Variants in NUP153 observed in about 807,000 individuals in gnomAD.
NUP153 encodes the protein nucleoporin 153.
In NUP153, 27 loss-of-function variants were observed where a neutral mutation model predicts 134.6. The ratio of observed to expected loss-of-function variants is 0.20; its 90% CI spans 0.15 to 0.28. NUP153 has a LOEUF of 0.28. Among genes scored for constraint, NUP153 ranks in the 10% least tolerant of loss-of-function variants. The pLI, the probability that NUP153 is intolerant of heterozygous loss-of-function variation, is 1.00. For missense variants in NUP153, 1,821 were observed against 1,731.3 expected, an observed-to-expected ratio of 1.05 and a Z score of -0.92; for synonymous variants, 640 against 623.5, an observed-to-expected ratio of 1.03 and a Z score of -0.40.
intron 20 of NUP153, among the ~76,000 whole-genome samples, chr6:17,618,660 A>G (rs981870797): frequency 1.0e-4 from 15 of 149,916 alleles, no homozygotes; most frequent in Non-Finnish European, 1.3e-4. Flanking sequence ...CCACCTCCCG[A>G]GTTCACGCCA....
chr6:17,693,927 G>C (rs1247794569), intron 1 of NUP153, among the ~76,000 whole-genome samples: 1 of 152,144 alleles, frequency 6.6e-6, no homozygotes, highest in Non-Finnish European at 1.5e-5. Flanking sequence ...GTAGAAATTT[G>C]CATGGCCTCT....
chr6:17,696,740 G>A (rs1016275381), intron 1 of NUP153, among the ~76,000 whole-genome samples: 3 of 151,972 alleles, frequency 2.0e-5, no homozygotes, highest in Admixed American at 6.6e-5. Flanking sequence ...GGGCCACAGA[G>A]CAAGACTCCA....
chr6:17,649,114 GAATT>G (rs1346458223), intron 12 of NUP153, 45 bp downstream of exon 12: 1 of 1,493,178 alleles, frequency 6.7e-7, no homozygotes, highest in African/African-American at 1.4e-5. Context: ...TTTAAATAAA[GAATT>G]AAGAAAGAAC....
chr6:17,645,625 GT>G (rs753892911), intron 14 of NUP153, among the ~76,000 whole-genome samples: 3 of 150,570 alleles, frequency 2.0e-5, no homozygotes, highest in Non-Finnish European at 4.5e-5. Context: ...GATTTCTTCG[GT>G]TCAGAAATTA....
chr6:17,631,280 A>G (rs1765239874), intron 17 of NUP153, among the ~76,000 whole-genome samples: 1 of 152,228 alleles, frequency 6.6e-6, no homozygotes, highest in Admixed American at 6.5e-5. Flanking sequence ...ACAATATAAA[A>G]GGTTTATTCC....
At position 17,649,789 on chromosome 6, in the gene NUP153, C is replaced by T. The variant is rs189452306; in HGVS notation, c.1396-489G>A. 5.3e-5 allele frequency among the ~76,000 whole-genome samples: 8 copies of T among 152,218 alleles called. No individual in the cohort carries two copies. The East Asian group carries it at 1.5e-3, about 29-fold the overall frequency. On this transcript the variant is annotated intron_variant, in intron 11 of 21. Transcript: ENST00000262077. ...TGTTGTTAATCTCTGACTGTGCCTA[C>T]TTATAAATTAAATTTCATCATAGAT...
At position 17,632,838 on chromosome 6, in the gene NUP153, G is replaced by A. The variant is rs748746381; in HGVS notation, c.2471C>T (p.Ser824Leu). 6.2e-5 allele frequency: 75 copies of A among 1,209,356 alleles called. No individual in the cohort carries two copies. Among genetic ancestry groups the A allele is most frequent in the East Asian group, 3.0e-4 (12 of 39,346 alleles). 74.9% of individuals were successfully genotyped at this position (1,209,356 alleles called of 1,614,324 possible). ...AGTGCTGCTACTTGAAGCAGGTACT[G>A]AACTTCCTAAAAAAAAAAAAAAAAA... is the stretch of plus-strand genomic sequence containing the variant. ...VSCMSEKPGSSVPASSSSTVP... is the reference protein window; with the variant it reads ...VSCMSEKPGSLVPASSSSTVP... Residue 824 changes from serine to leucine, a missense_variant, in exon 17 of 22, where the codon TCA (serine) becomes TTA (leucine). By Grantham distance (145) the Ser-to-Leu change is moderately radical. Transcript: ENST00000262077.
chr6:17,655,501 A>C (rs1275008252), intron 11 of NUP153, among the ~76,000 whole-genome samples: 1 of 151,550 alleles, frequency 6.6e-6, no homozygotes, highest in East Asian at 2.0e-4. Flanking sequence ...TCACCCAGGC[A>C]GGAGTGCAGT....
At position 17,638,571 on chromosome 6, in the gene NUP153, T is replaced by C. The variant is rs1014653658; in HGVS notation, c.1847-801A>G. 6.6e-6 allele frequency among the ~76,000 whole-genome samples: 1 copy of C among 152,234 alleles called. No homozygotes were observed. Among genetic ancestry groups the C allele is most frequent in the Non-Finnish European group, 1.5e-5 (1 of 68,050 alleles). On this transcript the variant is annotated intron_variant, in intron 15 of 21. Coordinates refer to ENST00000262077, the MANE Select transcript of NUP153 (RefSeq NM_005124.4). This position sits in a 1 kb window ranked among gnomAD's most constrained non-coding sequence, Gnocchi z 4.0. ...GGGCAACGTGTTATTTTGCTTATGA[T>C]TAATTTAAATCACTAAGATTGGCAA...
In NUP153 at chr6:17,638,342, T is replaced by C. The variant is rs1765667139; in HGVS notation, c.1847-572A>G. Among the ~76,000 whole-genome samples the C allele has an allele frequency of 6.6e-6, 1 of 152,254 alleles. No homozygotes were observed. Among genetic ancestry groups the C allele is most frequent in the African/African-American group, 2.4e-5 (1 of 41,470 alleles). On this transcript the variant is annotated intron_variant, in intron 15 of 21. Coordinates refer to ENST00000262077, the MANE Select transcript of NUP153 (RefSeq NM_005124.4). This position sits in a 1 kb window ranked among gnomAD's most constrained non-coding sequence, Gnocchi z 4.0. ...CATGAGAATGACTTTTGTAATTGTT[T>C]ACTTAGGACCAGTTAACTTTTGTCT...
chr6:17,678,475 C>T (rs903608594), intron 2 of NUP153, among the ~76,000 whole-genome samples: 1 of 151,150 alleles, frequency 6.6e-6, no homozygotes, highest in African/African-American at 2.4e-5. Flanking sequence ...TAGCAAATGT[C>T]TATTTACTAA....
chr6:17,691,658 G>A (rs1468282192), intron 1 of NUP153, among the ~76,000 whole-genome samples: 2 of 151,954 alleles, frequency 1.3e-5, no homozygotes, highest in African/African-American at 4.8e-5. Context: ...CCAGTTACTA[G>A]AGAGGCTGAG....
intron 13 of NUP153, 31 bp from the exon 14 acceptor site, chr6:17,646,185 G>A (rs779774082): frequency 1.2e-5 from 14 of 1,179,154 alleles, no homozygotes; most frequent in Middle Eastern, 2.1e-4. Context: ...CTTATACTTC[G>A]TTTTCAATAA....
At chr6:17,630,634 G>T (rs1765194126) in intron 17 of NUP153, among the ~76,000 whole-genome samples, 1 of 151,576 alleles carries the variant, frequency 6.6e-6, no homozygotes, top group Non-Finnish European at 1.5e-5. Context: ...CAGCACTCCA[G>T]CCCGGTCAAC....
chr6:17,676,848 C>T (rs913507199), intron 2 of NUP153, among the ~76,000 whole-genome samples: 4 of 152,120 alleles, frequency 2.6e-5, no homozygotes, highest in African/African-American at 9.7e-5. Context: ...GAGGGTCTCC[C>T]AGAAATCCAC....
At chr6:17,701,843 G>GGC (rs1554148665) in intron 1 of NUP153, among the ~76,000 whole-genome samples, 1 of 87,406 alleles carries the variant, frequency 1.1e-5, no homozygotes, top group African/African-American at 4.0e-5. Context: ...GGGGGGGGGG[G>GGC]GAAAAAAGCT....
In NUP153 at chr6:17,680,289, C is replaced by A. The variant is rs1481632038; in HGVS notation, c.335-4519G>T. ...ACAGACCATGGACGTGAACACAGGGCCCAGAAATAAACTACCATATATGAT... is the reference window on the plus strand; with the variant it reads ...ACAGACCATGGACGTGAACACAGGGACCAGAAATAAACTACCATATATGAT... On this transcript the variant is annotated intron_variant, in intron 2 of 21. Coordinates refer to ENST00000262077, the MANE Select transcript of NUP153 (RefSeq NM_005124.4). The surrounding 1 kb of genome is among the most constrained non-coding windows in gnomAD (Gnocchi z 4.5). Among the ~76,000 whole-genome samples, 1 of 152,110 alleles carries A rather than the reference C, an allele frequency of 6.6e-6. No individual in the cohort carries two copies. The highest frequency in any genetic ancestry group is 2.4e-5 in the African/African-American group (1 of 41,420).
At position 17,675,107 on chromosome 6, in the gene NUP153, T is replaced by C; in HGVS notation, c.724-74A>G. 1 of 1,572,696 alleles carries C rather than the reference T, an allele frequency of 6.4e-7. No homozygotes were observed. On this transcript the variant is annotated intron_variant, in intron 4 of 21. Coordinates refer to ENST00000262077, the MANE Select transcript of NUP153 (RefSeq NM_005124.4). This position sits in a 1 kb window ranked among gnomAD's most constrained non-coding sequence, Gnocchi z 4.4. ...TGGAGGTTGCAGTGAGTTAAGATCATGCTGCTACACACTCAAGCCTGGGCA... is the reference window on the plus strand; with the variant it reads ...TGGAGGTTGCAGTGAGTTAAGATCACGCTGCTACACACTCAAGCCTGGGCA...
At chr6:17,704,685 C>G (rs1770358566) in intron 1 of NUP153, among the ~76,000 whole-genome samples, 1 of 149,506 alleles carries the variant, frequency 6.7e-6, no homozygotes, top group African/African-American at 2.5e-5. Context: ...TTTTACTACT[C>G]AAACATTTCC....
Sources: allele counts gnomAD v4.1 joint callset (sites outside exome capture counted in the v4.1 genomes callset), GRCh38; gene constraint gnomAD v4.1.1; non-coding constraint Gnocchi (gnomAD v3.1); transcripts MANE v1.5; gene names NCBI Gene and HGNC (gene_info 2026-07-23, HGNC 2026-07-21).